NBPF9: variants seen among roughly 807,000 people sequenced by gnomAD.
NBPF9 encodes the protein NBPF member 9.
A neutral mutation model predicts 97.8 loss-of-function variants in NBPF9; 91 were observed. That is an observed-to-expected ratio of 0.93 (90% CI 0.79 to 1.11). The LOEUF (loss-of-function observed/expected upper bound fraction) is 1.11. Ranked by LOEUF, NBPF9 falls within the 50% of genes least tolerant of loss-of-function variation. The pLI is 0.00. For synonymous variants in NBPF9, 334 were observed against 359.5 expected, an observed-to-expected ratio of 0.93 and a Z score of 0.80; for missense variants, 992 against 939.5, an observed-to-expected ratio of 1.06 and a Z score of -0.73.
intron 14 of NBPF9, 66 bp downstream of exon 14, chr1:149,072,652 G>C (rs2079508581): frequency 6.5e-7 from 1 of 1,530,010 alleles, no homozygotes; most frequent in Non-Finnish European, 9.0e-7. Flanking sequence ...CATTGTGAAA[G>C]TATGGAGGTC....
intron 4 of NBPF9, among the ~76,000 whole-genome samples, chr1:149,095,977 A>G (rs1444592228): frequency 4.0e-5 from 6 of 151,816 alleles, no homozygotes; most frequent in African/African-American, 1.5e-4. Context: ...TCACCAAGTG[A>G]ATGAATAAAC....
chr1:149,070,991 T>C (rs797023053), exon 16 of NBPF9: 4 of 1,611,660 alleles, frequency 2.5e-6, no homozygotes, highest in South Asian at 1.1e-5. Flanking sequence ...CCAATGAGAG[T>C]TGAGTCGACT....
At chr1:149,096,062 G>A (rs587770509) in intron 4 of NBPF9, among the ~76,000 whole-genome samples, 81 of 152,108 alleles carry the variant, frequency 5.3e-4, no homozygotes, top group South Asian at 3.5e-3. Flanking sequence ...ATGAAAAGAC[G>A]TGGAGGAACT....
At position 149,059,768 on chromosome 1, in the gene NBPF9, TCTTCCCCTTCTTTTCTTCCC is replaced by T. The variant is rs1356822805; in HGVS notation, c.2497_2516del (p.Gly833LysfsTer31). The T allele has an allele frequency of 1.1e-5, 6 of 566,780 alleles. 2 individuals are homozygous for T. Among genetic ancestry groups the T allele is most frequent in the East Asian group, 8.1e-5 (3 of 37,098 alleles). The allele number at this position is 566,780 out of a possible 1,614,324, so 35.1% of individuals were successfully genotyped here. On this transcript the variant is annotated frameshift_variant, in exon 25 of 30. Coordinates refer to ENST00000584027, the Ensembl canonical transcript of NBPF9. LOFTEE classifies it high-confidence loss of function. The stretch of plus-strand genomic sequence containing the variant: ...CCCTTCTTCTTTTCTTCTTTGATCT[TCTTCCCCTTCTTTTCTTCCC>T]CTTCCCCTTCTTTTCAATTTCTGCA...
chr1:149,101,087 T>C (rs1189875772), intron 3 of NBPF9, among the ~76,000 whole-genome samples, 175 bp downstream of exon 3: 1 of 151,278 alleles, frequency 6.6e-6, no homozygotes, highest in Non-Finnish European at 1.5e-5. Context: ...TATAATTTCA[T>C]TAAAATTAAG....
At chr1:149,063,637 C>T (rs2078793685) in exon 20 of NBPF9, 2 of 614,250 alleles carry the variant, frequency 3.3e-6, no homozygotes, top group South Asian at 3.9e-5. Context: ...ACTCACCATC[C>T]ATGTCAACAG....
chr1:149,068,282 A>C (rs1408936918), intron 17 of NBPF9, among the ~76,000 whole-genome samples: 2 of 150,458 alleles, frequency 1.3e-5, no homozygotes, highest in Non-Finnish European at 2.9e-5. Context: ...AACAATATTA[A>C]CCTTAAATGT....
chr1:149,082,829 G>T lies in NBPF9; in HGVS notation c.-194-399C>A, dbSNP rs1265007511. 7.2e-4 allele frequency among the ~76,000 whole-genome samples: 106 copies of T among 148,126 alleles called. 1 individual carries two copies. Among genetic ancestry groups the T allele is most frequent in the Middle Eastern group, 3.5e-3 (1 of 286 alleles). On this transcript the variant is annotated intron_variant, in intron 5 of 29. Coordinates refer to ENST00000584027, the Ensembl canonical transcript of NBPF9. ...GAGTCTCACTCTGTCGCCCAGGCTG[G>T]AGTGCAGTGACGCGATCTAGGCTCA...
At chr1:149,086,389 G>A (rs1359512215) in intron 5 of NBPF9, among the ~76,000 whole-genome samples, 5 of 149,806 alleles carry the variant, frequency 3.3e-5, no homozygotes, top group Admixed American at 1.3e-4. Flanking sequence ...ACGAAATAAC[G>A]AAGGCATTCT....
chr1:149,076,984 T>C (rs1338097943), intron 11 of NBPF9, among the ~76,000 whole-genome samples: 10 of 151,028 alleles, frequency 6.6e-5, no homozygotes, highest in East Asian at 1.9e-4. Context: ...TTTGTAAAGA[T>C]GGGTTTCACC....
At chr1:149,062,681 T>C (rs1308248574) in intron 21 of NBPF9, among the ~76,000 whole-genome samples, 181 bp downstream of exon 21, 2 of 150,652 alleles carry the variant, frequency 1.3e-5, no homozygotes, top group African/African-American at 2.4e-5. Flanking sequence ...AGTTAGTAAA[T>C]GATAAGGGGA....
chr1:149,070,859 T>G, intron 16 of NBPF9, 75 bp downstream of exon 16: 7 of 1,293,966 alleles, frequency 5.4e-6, no homozygotes, highest in Non-Finnish European at 7.8e-6. Context: ...GAATTTGTGT[T>G]TATAGAGCCT....
chr1:149,093,125 C>G (rs1486873271), intron 4 of NBPF9, among the ~76,000 whole-genome samples: 1 of 151,830 alleles, frequency 6.6e-6, no homozygotes, highest in Non-Finnish European at 1.5e-5. Flanking sequence ...GAGAGAAGAT[C>G]AGCAGGTAAA....
rs587743947 is a variant in NBPF9, at chr1:149,071,162, G to T, written c.1380-23C>A. The T allele has an allele frequency of 1.2e-4, 165 of 1,398,872 alleles. No homozygotes were observed. In the African/African-American group the frequency reaches 2.1e-3, roughly 18 times the overall value. The allele number at this position is 1,398,872 out of a possible 1,614,324, so 86.7% of individuals were successfully genotyped here. On this transcript the variant is annotated intron_variant, in intron 15 of 29. Transcript: ENST00000584027. ...TCCCTGATGAGCCAGGTGGGACAGA[G>T]ATGACAGAAGATTAAACACAGAGGG...
At chr1:149,081,173 G>A (rs4537502) in intron 7 of NBPF9, among the ~76,000 whole-genome samples, 1 of 152,048 alleles carries the variant, frequency 6.6e-6, no homozygotes, top group Non-Finnish European at 1.5e-5. Flanking sequence ...ATGCTGGAGT[G>A]CAATAGTGCA....
At chr1:149,099,696 C>G (rs1162710616) in intron 3 of NBPF9, among the ~76,000 whole-genome samples, 3 of 152,122 alleles carry the variant, frequency 2.0e-5, no homozygotes, top group Admixed American at 6.6e-5. Flanking sequence ...ATCATTAAAA[C>G]TAAAATGGCC....
intron 26 of NBPF9, chr1:149,058,704 A>T: frequency 2.8e-6 from 1 of 356,764 alleles, no homozygotes; most frequent in Non-Finnish European, 4.9e-6. Flanking sequence ...TCAGGTTGCC[A>T]CAGGCATGGC....
At chr1:149,072,751 G>C in exon 14 of NBPF9, 2 of 1,609,782 alleles carry the variant, frequency 1.2e-6, no homozygotes, top group Non-Finnish European at 1.7e-6. Context: ...TGCTGTGCCA[G>C]TCTACACCCC....
chr1:149,062,992 A>C (rs1455351723), intron 20 of NBPF9, 79 bp from the exon 21 acceptor site: 4 of 671,392 alleles, frequency 6.0e-6, no homozygotes, highest in Non-Finnish European at 1.1e-5. Flanking sequence ...TAATCCTCAC[A>C]CAGGGACTTC....
Sources: gnomAD v4.1 joint callset for allele counts (sites outside exome capture counted in the v4.1 genomes callset) on GRCh38, gnomAD v4.1.1 for gene constraint, MANE v1.5 for transcripts, NCBI Gene and HGNC (gene_info 2026-07-23, HGNC 2026-07-21) for gene names.